The following DOCK11 variants were observed in gnomAD, a reference collection of about 807,000 sequenced individuals.
DOCK11 encodes dedicator of cytokinesis 11, also known as dedicator of cytokinesis protein 11.
A neutral mutation model predicts 169.1 loss-of-function variants in DOCK11; 70 were observed. The ratio of observed to expected loss-of-function variants is 0.41; its 90% CI spans 0.34 to 0.51. DOCK11 has a LOEUF of 0.51. Ranked by LOEUF, DOCK11 falls within the 20% of genes least tolerant of loss-of-function variation. The pLI, the probability that DOCK11 is intolerant of heterozygous loss-of-function variation, is 0.10. For missense variants in DOCK11, 1,166 were observed against 1,538.8 expected (o/e 0.76, Z 4.05); for synonymous variants, 529 against 541.3 (o/e 0.98, Z 0.32).
At chrX:118,516,022 T>TATATATATATATA (rs1477771599) in intron 1 of DOCK11, among the ~76,000 whole-genome samples, 4 of 88,288 alleles carry the variant, frequency 4.5e-5, no homozygotes, top group African/African-American at 9.1e-5. Context: ...TATATATACA[T>TATATATATATATA]TCTTACACCA....
intron 40 of DOCK11, among the ~76,000 whole-genome samples, chrX:118,648,019 T>A (rs1603158673): frequency 2.9e-5 from 1 of 34,862 alleles, no homozygotes; most frequent in Non-Finnish European, 4.5e-5. Flanking sequence ...ATATATAATA[T>A]AAATTATAAT....
chrX:118,583,865 A>G (rs1333473840), intron 14 of DOCK11, among the ~76,000 whole-genome samples: 1 of 111,936 alleles, frequency 8.9e-6, no homozygotes, highest in African/African-American at 3.3e-5. Context: ...AATAGTTGTT[A>G]TACTGTATTC....
chrX:118,599,337 G>A, intron 23 of DOCK11, 109 bp downstream of exon 23: 2 of 561,668 alleles, frequency 3.6e-6, no homozygotes, highest in Non-Finnish European at 5.7e-6. Flanking sequence ...ATTTTTGGCT[G>A]TATTTCCTCA....
At chrX:118,640,958 T>C (rs1407254122) in intron 38 of DOCK11, among the ~76,000 whole-genome samples, 6 of 110,671 alleles carry the variant, frequency 5.4e-5, no homozygotes, top group Non-Finnish European at 9.5e-5. Context: ...CATGCCCGGC[T>C]AATTTTTTGT....
intron 32 of DOCK11, among the ~76,000 whole-genome samples, chrX:118,626,841 CT>C (rs1344364579): frequency 8.9e-6 from 1 of 112,556 alleles, no homozygotes; most frequent in African/African-American, 3.2e-5. Flanking sequence ...TTTCACTTCT[CT>C]GTATTCTTTG....
Position 118,681,240 on chromosome X carries a change from T to C in DOCK11, c.5854T>C (p.Ser1952Pro), listed in dbSNP as rs1226962140. The stretch of plus-strand genomic sequence containing the variant: ...CCAACTTAAATTGCAGGGCTGTGTT[T>C]CTGTGCAGGTACGTTGGTCATCCAA... The part of the protein sequence containing the change: ...QLQLKLQGCV[S>P]VQVNAGPLAY... The change falls in exon 50 of 53, where the codon TCT becomes CCT. Residue 1952 changes from serine (S) to proline (P), a missense_variant. Transcript: ENST00000276202. 8.4e-7 allele frequency: 1 copy of C among 1,184,807 alleles called. No homozygotes were observed. Among genetic ancestry groups the C allele is most frequent in the Non-Finnish European group, 1.1e-6 (1 of 884,426 alleles).
chrX:118,545,264 T>G, intron 4 of DOCK11, 59 bp from the exon 5 acceptor site: 1 of 817,375 alleles, frequency 1.2e-6, no homozygotes, highest in Non-Finnish European at 1.7e-6. Flanking sequence ...GTTTTTGTGT[T>G]GTTTTTCTTT....
At chrX:118,631,966 T>C (rs751359733) in intron 35 of DOCK11, among the ~76,000 whole-genome samples, 4 of 110,961 alleles carry the variant, frequency 3.6e-5, no homozygotes, top group African/African-American at 1.3e-4. Context: ...TGACTGTTTT[T>C]GTTTTGAAGA....
intron 1 of DOCK11, among the ~76,000 whole-genome samples, chrX:118,512,262 A>G (rs2057655327): frequency 8.9e-6 from 1 of 112,227 alleles, no homozygotes; most frequent in African/African-American, 3.2e-5. Flanking sequence ...GGAATGGTGG[A>G]AGGCAAGACC....
At chrX:118,648,188 AATAAT>A (rs1433901524) in intron 40 of DOCK11, among the ~76,000 whole-genome samples, 129 of 72,425 alleles carry the variant, frequency 1.8e-3, no homozygotes, top group African/African-American at 7.7e-3. Flanking sequence ...AGTAATATAT[AATAAT>A]ATAATATATA....
intron 1 of DOCK11, among the ~76,000 whole-genome samples, chrX:118,498,205 A>G (rs1419942356): frequency 2.7e-5 from 3 of 112,402 alleles, no homozygotes; most frequent in Non-Finnish European, 5.6e-5. Context: ...AAATCAATGA[A>G]TATCTATTGA....
At chrX:118,610,544 G>A in intron 28 of DOCK11, 126 bp downstream of exon 28, 1 of 735,594 alleles carries the variant, frequency 1.4e-6, no homozygotes, top group South Asian at 2.8e-5. Flanking sequence ...AACTTAGGTT[G>A]CTTACAAACG....
intron 35 of DOCK11, among the ~76,000 whole-genome samples, chrX:118,631,847 C>T (rs1461976920): frequency 7.2e-5 from 8 of 111,144 alleles, no homozygotes; most frequent in African/African-American, 2.6e-4. Flanking sequence ...AGTTCTCTCC[C>T]CTCCTCCACT....
At chrX:118,549,090 C>T (rs1022752590) in intron 6 of DOCK11, among the ~76,000 whole-genome samples, 7 of 78,376 alleles carry the variant, frequency 8.9e-5, no homozygotes, top group Non-Finnish European at 1.3e-4. Context: ...TCTTTTTATC[C>T]TCAGCTGCTC....
chrX:118,574,878 C>T (rs1272098337), intron 12 of DOCK11, among the ~76,000 whole-genome samples: 1 of 111,483 alleles, frequency 9.0e-6, no homozygotes, highest in East Asian at 2.8e-4. Flanking sequence ...TTAACTGTTC[C>T]TTGGAATTCT....
intron 40 of DOCK11, among the ~76,000 whole-genome samples, chrX:118,648,298 G>A (rs926586809): frequency 9.0e-5 from 8 of 89,288 alleles, no homozygotes; most frequent in African/African-American, 2.5e-4. Context: ...CTTTTGCACC[G>A]CCATAATACA....
chrX:118,641,512 C>T (rs1385898307), intron 39 of DOCK11, among the ~76,000 whole-genome samples: 1 of 111,778 alleles, frequency 8.9e-6, no homozygotes, highest in Non-Finnish European at 1.9e-5. Flanking sequence ...AGTGGACTAA[C>T]TTGCCCTTAA....
At chrX:118,677,483 C>T (rs12014885) in intron 48 of DOCK11, among the ~76,000 whole-genome samples, 17,373 of 111,354 alleles carry the variant, frequency 0.16, 1,077 homozygotes, top group Middle Eastern at 0.29. Context: ...GGGTAGGAAG[C>T]TCATATAAAG....
chrX:118,679,158 C>T (rs1036812352), intron 48 of DOCK11, among the ~76,000 whole-genome samples: 8 of 110,990 alleles, frequency 7.2e-5, no homozygotes, highest in South Asian at 7.5e-4. Context: ...CAATCTCCTG[C>T]GCTCAAGCAA....
Sources: allele counts gnomAD v4.1 joint callset (sites outside exome capture counted in the v4.1 genomes callset), GRCh38; gene constraint gnomAD v4.1.1; transcripts MANE v1.5; gene names NCBI Gene and HGNC (gene_info 2026-07-23, HGNC 2026-07-21).